AGO2: variants seen among roughly 807,000 people sequenced by gnomAD.
The protein encoded by AGO2 is argonaute RISC catalytic component 2.
A neutral mutation model predicts 102.3 loss-of-function variants in AGO2; 5 were observed. The ratio of observed to expected loss-of-function variants is 0.05; its 90% CI spans 0.03 to 0.10. AGO2 has a LOEUF of 0.10. Among genes scored for constraint, AGO2 ranks in the 10% least tolerant of loss-of-function variants. The pLI is 1.00. For missense variants in AGO2, 541 were observed against 1,183.7 expected (o/e 0.46, Z 7.97); for synonymous variants, 449 against 473.1 (o/e 0.95, Z 0.66).
chr8:140,534,568 C>T (rs1045453142), intron 17 of AGO2, among the ~76,000 whole-genome samples: 25 of 152,246 alleles, frequency 1.6e-4, no homozygotes, highest in Admixed American at 1.4e-3. Flanking sequence ...AGGCTGGACC[C>T]GGCCCACAGG....
At chr8:140,593,499 A>C (rs372653098) in intron 1 of AGO2, among the ~76,000 whole-genome samples, 4 of 150,014 alleles carry the variant, frequency 2.7e-5, no homozygotes, top group East Asian at 2.0e-4. Context: ...GCCGACATAC[A>C]CTGATCTGCC....
At chr8:140,579,693 C>T (rs1588475044) in intron 2 of AGO2, among the ~76,000 whole-genome samples, 3 of 152,024 alleles carry the variant, frequency 2.0e-5, no homozygotes, top group African/African-American at 7.2e-5. Context: ...AGTAGTCATC[C>T]TATACATCTC....
chr8:140,551,328 G>A lies in AGO2; in HGVS notation c.1378C>T (p.Arg460Cys). Residue 460 changes from arginine to cysteine, a missense_variant, in exon 11 of 19, where the codon CGC becomes TGC. Arg to Cys is a radical substitution (Grantham distance 180). Transcript: ENST00000220592. The stretch of plus-strand genomic sequence containing the variant: ...TTCAGATGGACTTCCGTGCACTGGC[G>A]CTGGGGGGCGAAGCACGCAATGGCC... Reference protein sequence around the residue: ...VWAIACFAPQRQCTEVHLKSF... With the variant: ...VWAIACFAPQCQCTEVHLKSF... 1 of 1,577,518 alleles carries A rather than the reference G, an allele frequency of 6.3e-7. No homozygotes were observed. The highest frequency in any genetic ancestry group is 8.6e-7 in the Non-Finnish European group (1 of 1,157,370).
Position 140,530,408 on chromosome 8 carries a change from G to C in AGO2, c.*1636C>G, listed in dbSNP as rs1025603080. The C allele has an allele frequency of 2.6e-5, 4 of 152,498 alleles. No homozygotes were observed. Among genetic ancestry groups the C allele is most frequent in the African/African-American group, 9.6e-5 (4 of 41,472 alleles). 9.4% of individuals were successfully genotyped at this position (152,498 alleles called of 1,614,324 possible). On this transcript the variant is annotated 3_prime_UTR_variant, in exon 19 of 19. Transcript: ENST00000220592. ...GCGCAGGGCCGGGGAGGGAACAGCA[G>C]CAGGAAGAGGGGACCTACGGAGCGC...
In AGO2 at chr8:140,531,999, C is replaced by A. The variant is rs1290011356; in HGVS notation, c.*45G>T. On this transcript the variant is annotated 3_prime_UTR_variant, in exon 19 of 19. Coordinates refer to ENST00000220592, the MANE Select transcript of AGO2 (RefSeq NM_012154.5). The stretch of plus-strand genomic sequence containing the variant: ...ATCTGTTGGTCTGAGTGTAGCTGGT[C>A]TCGTGAATCCCACTCGGTACACAAT... 1.3e-6 allele frequency: 2 copies of A among 1,561,058 alleles called. No individual in the cohort carries two copies. The highest frequency in any genetic ancestry group is 1.8e-6 in the Non-Finnish European group (2 of 1,133,110).
At chr8:140,549,792 A>C (rs1178840253) in intron 11 of AGO2, among the ~76,000 whole-genome samples, 2 of 152,238 alleles carry the variant, frequency 1.3e-5, no homozygotes, top group Non-Finnish European at 2.9e-5. Context: ...ACTGTATGAC[A>C]TCATCACGAG....
intron 10 of AGO2, among the ~76,000 whole-genome samples, chr8:140,553,857 C>A (rs747832711): frequency 1.3e-5 from 2 of 152,100 alleles, no homozygotes; most frequent in Non-Finnish European, 2.9e-5. Context: ...TGCCACCATG[C>A]CCAGCTAATT....
intron 2 of AGO2, among the ~76,000 whole-genome samples, chr8:140,582,558 T>C (rs7825416): frequency 0.83 from 126,116 of 152,212 alleles, 52,389 homozygotes; most frequent in Admixed American, 0.85. Flanking sequence ...TTATTTTTTT[T>C]AAAGGTCAAC....
intron 1 of AGO2, among the ~76,000 whole-genome samples, chr8:140,628,942 A>T (rs201356122): frequency 7.2e-6 from 1 of 139,632 alleles, no homozygotes; most frequent in Non-Finnish European, 1.6e-5. Flanking sequence ...CAAAAAAAAA[A>T]TTTGGGTATA....
At chr8:140,596,725 T>C (rs1478649248) in intron 1 of AGO2, among the ~76,000 whole-genome samples, 1 of 152,134 alleles carries the variant, frequency 6.6e-6, no homozygotes, top group Non-Finnish European at 1.5e-5. Flanking sequence ...GTCTCACAGA[T>C]GAACAAAGTG....
intron 2 of AGO2, among the ~76,000 whole-genome samples, chr8:140,574,157 G>GT (rs542066186): frequency 0.016 from 280 of 17,860 alleles, 1 homozygote; most frequent in East Asian, 0.13. Flanking sequence ...CTTCCCCACC[G>GT]TGACAGAGAG....
At chr8:140,635,677 G>C (rs2074399558), upstream of AGO2, 1 of 202,376 alleles carries the variant, frequency 4.9e-6, no homozygotes, top group African/African-American at 2.4e-5. Flanking sequence ...GCGGCGGCGG[G>C]AGCGGGAGCG....
chr8:140,603,514 G>A (rs1215525951), intron 1 of AGO2, among the ~76,000 whole-genome samples: 2 of 152,142 alleles, frequency 1.3e-5, no homozygotes, highest in Non-Finnish European at 2.9e-5. Context: ...CCACGTGCCC[G>A]CTAAGCCATC....
upstream of AGO2, among the ~76,000 whole-genome samples, chr8:140,639,803 C>G (rs1432962144): frequency 3.9e-5 from 6 of 152,040 alleles, no homozygotes; most frequent in African/African-American, 1.5e-4. Context: ...CCATGATAAC[C>G]TCTTTAAAAT....
chr8:140,600,315 G>T (rs998810063), intron 1 of AGO2, among the ~76,000 whole-genome samples: 1 of 152,234 alleles, frequency 6.6e-6, no homozygotes, highest in Non-Finnish European at 1.5e-5. Context: ...CTGCTTCCCA[G>T]CCTTGTGTTA....
chr8:140,564,618 A>AATT (rs2073251145), intron 3 of AGO2, among the ~76,000 whole-genome samples: 1 of 152,214 alleles, frequency 6.6e-6, no homozygotes, highest in Non-Finnish European at 1.5e-5. Context: ...GATTTCTTAA[A>AATT]TAACTTTCCT....
At chr8:140,619,422 C>G (rs542003704) in intron 1 of AGO2, among the ~76,000 whole-genome samples, 1 of 152,330 alleles carries the variant, frequency 6.6e-6, no homozygotes, top group East Asian at 1.9e-4. Context: ...TGCGGCCCAG[C>G]AATGCTGGGG....
At chr8:140,533,258 G>A (rs974557228) in intron 17 of AGO2, among the ~76,000 whole-genome samples, 3 of 149,820 alleles carry the variant, frequency 2.0e-5, no homozygotes, top group East Asian at 2.0e-4. Flanking sequence ...GCGTGGTGGC[G>A]GGCATCTGTA....
intron 16 of AGO2, among the ~76,000 whole-genome samples, chr8:140,536,818 G>A (rs1261892445): frequency 6.6e-6 from 1 of 152,228 alleles, no homozygotes; most frequent in Non-Finnish European, 1.5e-5. Flanking sequence ...AAGGGGGACA[G>A]GGGAAGACAC....
Sources: allele counts gnomAD v4.1 joint callset (sites outside exome capture counted in the v4.1 genomes callset), GRCh38; gene constraint gnomAD v4.1.1; transcripts MANE v1.5; gene names NCBI Gene and HGNC (gene_info 2026-07-23, HGNC 2026-07-21).